NRG2: variants seen among roughly 807,000 people sequenced by gnomAD.
NRG2 encodes the protein neuregulin 2.
In NRG2, 27 loss-of-function variants were observed where a neutral mutation model predicts 73.9. That is an observed-to-expected ratio of 0.37 (90% CI 0.27 to 0.50). The LOEUF (loss-of-function observed/expected upper bound fraction) is 0.50, where lower values mean the gene tolerates loss of function less well. Among genes scored for constraint, NRG2 ranks in the 20% least tolerant of loss-of-function variants. NRG2 has a pLI of 0.96. For synonymous variants in NRG2, 532 were observed against 541.0 expected (o/e 0.98, Z 0.23); for missense variants, 1,126 against 1,210.1 (o/e 0.93, Z 1.03).
Position 139,853,033 on chromosome 5 carries a change from CAAGGG to C in NRG2, c.1293-11_1293-7del. 1 of 1,613,430 alleles carries C rather than the reference CAAGGG, an allele frequency of 6.2e-7. No homozygotes were observed. Among genetic ancestry groups the C allele is most frequent in the Non-Finnish European group, 8.5e-7 (1 of 1,179,746 alleles). The stretch of plus-strand genomic sequence containing the variant: ...GCATCTGCTTCCGCTGTTTTCTGCA[CAAGGG>C]AAGGGAAGGTGAGGCTGGCATTCCC... On this transcript the variant is annotated splice_region_variant and splice_polypyrimidine_tract_variant and intron_variant, in intron 6 of 9. Coordinates refer to ENST00000361474, the MANE Select transcript of NRG2 (RefSeq NM_004883.3). This position sits in a 1 kb window ranked among gnomAD's most constrained non-coding sequence, Gnocchi z 4.1.
intron 1 of NRG2, among the ~76,000 whole-genome samples, chr5:139,992,325 C>A (rs1757698458): frequency 6.6e-6 from 1 of 152,130 alleles, no homozygotes; most frequent in Non-Finnish European, 1.5e-5. Flanking sequence ...TTTACATATT[C>A]ATCTTATATC....
At chr5:139,893,828 A>C (rs13161922) in intron 1 of NRG2, among the ~76,000 whole-genome samples, 27,651 of 152,154 alleles carry the variant, frequency 0.18, 2,691 homozygotes, top group Middle Eastern at 0.29. Context: ...CTCCACAAAA[A>C]GATTTTCCTC....
chr5:139,859,852 C>A, intron 5 of NRG2: 1 of 1,609,410 alleles, frequency 6.2e-7, no homozygotes, highest in Admixed American at 1.7e-5. Flanking sequence ...AGAGGGGCCA[C>A]GCAGATGGTG....
intron 1 of NRG2, among the ~76,000 whole-genome samples, chr5:139,998,260 C>G (rs1442525775): frequency 6.6e-6 from 1 of 152,130 alleles, no homozygotes; most frequent in Non-Finnish European, 1.5e-5. Flanking sequence ...GATGAAAGAC[C>G]AATGCCAATA....
intron 1 of NRG2, among the ~76,000 whole-genome samples, chr5:140,023,148 T>C (rs2083476880): frequency 1.3e-5 from 2 of 152,220 alleles, no homozygotes; most frequent in South Asian, 4.1e-4. Context: ...ATCATATCCC[T>C]GCTCCAATAC....
chr5:139,958,133 G>T (rs1454225712), intron 1 of NRG2, among the ~76,000 whole-genome samples: 1 of 152,094 alleles, frequency 6.6e-6, no homozygotes, highest in Non-Finnish European at 1.5e-5. Context: ...TGCAAGGCCT[G>T]ACTACAACTT....
chr5:139,938,850 AAGAGAG>A (rs61044289), intron 1 of NRG2, among the ~76,000 whole-genome samples: 16,005 of 95,080 alleles, frequency 0.17, 1,495 homozygotes, highest in South Asian at 0.37. Context: ...ACAGAAAGGG[AAGAGAG>A]AGAGAGAGAG....
chr5:139,876,958 TGTG>T (rs1372479648), intron 3 of NRG2, among the ~76,000 whole-genome samples: 1 of 151,710 alleles, frequency 6.6e-6, no homozygotes, highest in African/African-American at 2.4e-5. Context: ...TGTGTGTGTG[TGTG>T]TGTTTAAACA....
intron 1 of NRG2, among the ~76,000 whole-genome samples, chr5:139,921,419 G>A (rs1045942729): frequency 6.6e-5 from 10 of 152,160 alleles, no homozygotes; most frequent in South Asian, 2.1e-4. Flanking sequence ...AGAACAGAAC[G>A]GAGAGCCCAG....
intron 3 of NRG2, among the ~76,000 whole-genome samples, chr5:139,876,836 T>C (rs1031037274): frequency 1.3e-5 from 2 of 152,120 alleles, no homozygotes; most frequent in African/African-American, 2.4e-5. Flanking sequence ...AGGGACTTTC[T>C]TGGGGGCCAA....
intron 1 of NRG2, among the ~76,000 whole-genome samples, chr5:139,926,515 AG>A (rs1458188584): frequency 2.0e-5 from 3 of 151,986 alleles, no homozygotes; most frequent in Non-Finnish European, 4.4e-5. Context: ...GGCTTCCGTG[AG>A]TGATGATGCT....
At chr5:140,024,505 T>C (rs1387418490) in intron 1 of NRG2, among the ~76,000 whole-genome samples, 4 of 152,202 alleles carry the variant, frequency 2.6e-5, no homozygotes, top group African/African-American at 9.6e-5. Flanking sequence ...TCCGCCCGCC[T>C]CGGCCTCCCA....
intron 1 of NRG2, among the ~76,000 whole-genome samples, chr5:139,956,931 C>T (rs947161376): frequency 2.0e-5 from 3 of 152,198 alleles, no homozygotes; most frequent in African/African-American, 7.2e-5. Context: ...GAGAAGATGA[C>T]AGGGCCTGAA....
At chr5:139,867,809 T>TATGTATGA (rs1383171269) in intron 4 of NRG2, among the ~76,000 whole-genome samples, 26 of 136,466 alleles carry the variant, frequency 1.9e-4, no homozygotes, top group African/African-American at 6.7e-4. Context: ...TGAGTGTGTG[T>TATGTATGA]GTGTGTGTGT....
At chr5:140,021,451 G>A (rs1760214945) in intron 1 of NRG2, among the ~76,000 whole-genome samples, 1 of 152,136 alleles carries the variant, frequency 6.6e-6, no homozygotes, top group African/African-American at 2.4e-5. Flanking sequence ...GTCCTTTAAG[G>A]CCTAAGGTGG....
intron 1 of NRG2, among the ~76,000 whole-genome samples, chr5:139,980,821 G>T (rs1451992082): frequency 6.6e-6 from 1 of 152,136 alleles, no homozygotes; most frequent in Non-Finnish European, 1.5e-5. Flanking sequence ...TTCTGAGCTT[G>T]TCAGGCAACT....
intron 1 of NRG2, among the ~76,000 whole-genome samples, chr5:139,993,183 G>A (rs1169329688): frequency 2.6e-5 from 4 of 152,038 alleles, no homozygotes; most frequent in Non-Finnish European, 5.9e-5. Context: ...AGGGAGAACA[G>A]TCCTCCTCAA....
In NRG2 at chr5:139,869,622, A is replaced by G. The variant is rs1277752872; in HGVS notation, c.1112+2099T>C. ...CGAGGGCTGACAAAGGGTGTTGGGG[A>G]AGTTGGTTCCAGGAACCTTGGCTGG... On this transcript the variant is annotated intron_variant, in intron 4 of 9. Coordinates refer to ENST00000361474, the MANE Select transcript of NRG2 (RefSeq NM_004883.3). The surrounding 1 kb of genome is among the most constrained non-coding windows in gnomAD (Gnocchi z 4.5). 6.7e-6 allele frequency: 1 copy of G among 149,578 alleles called. No individual in the cohort carries two copies. Among genetic ancestry groups the G allele is most frequent in the African/African-American group, 2.5e-5 (1 of 40,230 alleles). 9.3% of individuals were successfully genotyped at this position (149,578 alleles called of 1,614,324 possible).
Position 139,921,185 on chromosome 5 carries a change from C to T in NRG2, c.701-33674G>A, listed in dbSNP as rs1245821268. On this transcript the variant is annotated intron_variant, in intron 1 of 9. Coordinates refer to ENST00000361474, the MANE Select transcript of NRG2 (RefSeq NM_004883.3). ...GTCAGTTCTTCCCAACTTGATCTAT[C>T]GATTCAATGCAATTCCAACTAAAAT... Among the ~76,000 whole-genome samples the T allele has an allele frequency of 7.2e-5, 11 of 152,298 alleles. 1 individual carries two copies. The highest frequency in any genetic ancestry group is 5.8e-4 in the East Asian group (3 of 5,194).
Sources: gnomAD v4.1 joint callset for allele counts (sites outside exome capture counted in the v4.1 genomes callset) on GRCh38, gnomAD v4.1.1 for gene constraint, Gnocchi (gnomAD v3.1) non-coding constraint, MANE v1.5 for transcripts, NCBI Gene and HGNC (gene_info 2026-07-23, HGNC 2026-07-21) for gene names.